Variants in SCD5 observed in about 807,000 individuals in gnomAD.
The protein encoded by SCD5 is acyl-CoA-desaturase 4.
SCD5 carries 20 observed loss-of-function variants against 30.4 expected under a neutral mutation model. That is an observed-to-expected ratio of 0.66 (90% CI 0.46 to 0.96). The LOEUF (loss-of-function observed/expected upper bound fraction) is 0.96. Ranked by LOEUF, SCD5 falls within the 40% of genes least tolerant of loss-of-function variation. The probability of loss-of-function intolerance (pLI) is 0.00; values close to 1 mark genes in which losing one functional copy is unlikely to be tolerated. For synonymous variants in SCD5, 173 were observed against 176.4 expected, an observed-to-expected ratio of 0.98 and a Z score of 0.16; for missense variants, 381 against 443.3, an observed-to-expected ratio of 0.86 and a Z score of 1.26.
chr4:82,753,318 G>A (rs550374171), intron 1 of SCD5: 2 of 527,396 alleles, frequency 3.8e-6, no homozygotes, highest in African/African-American at 1.9e-5. Flanking sequence ...GTGGGGGTGG[G>A]GGGTTCTGTG....
chr4:82,761,724 T>TC (rs1721374403), intron 1 of SCD5, among the ~76,000 whole-genome samples: 1 of 151,258 alleles, frequency 6.6e-6, no homozygotes, highest in Non-Finnish European at 1.5e-5. Context: ...ATGCTATCCC[T>TC]CCCCCCTCTC....
intron 3 of SCD5, among the ~76,000 whole-genome samples, chr4:82,646,947 C>A (rs567813428): frequency 7.9e-5 from 12 of 152,346 alleles, no homozygotes; most frequent in Non-Finnish European, 1.5e-4. Flanking sequence ...CTCAGCCTCC[C>A]CATTAGCTGG....
intron 3 of SCD5, among the ~76,000 whole-genome samples, chr4:82,672,373 C>T (rs917474265): frequency 6.6e-6 from 1 of 152,078 alleles, no homozygotes; most frequent in Non-Finnish European, 1.5e-5. Flanking sequence ...GACACCCCTA[C>T]AGATCCCATG....
intron 1 of SCD5, among the ~76,000 whole-genome samples, chr4:82,713,490 A>T (rs1235617935): frequency 4.6e-5 from 7 of 152,208 alleles, no homozygotes; most frequent in African/African-American, 1.7e-4. Context: ...TACATGGCTC[A>T]CTTCAGACAG....
At position 82,631,288 on chromosome 4, in the gene SCD5, A is replaced by G; in HGVS notation, c.*39T>C. 6.3e-7 allele frequency: 1 copy of G among 1,588,950 alleles called. No individual in the cohort carries two copies. The highest frequency in any genetic ancestry group is 1.1e-5 in the South Asian group (1 of 88,902). On this transcript the variant is annotated 3_prime_UTR_variant, in exon 5 of 5. Transcript: ENST00000319540. The stretch of plus-strand genomic sequence containing the variant: ...CTATTGTAACCAAAGCCATGAACCG[A>G]GGTTGCAACGGCAGACATGTGGGAT...
At chr4:82,688,836 TAAC>T (rs562241494) in intron 2 of SCD5, among the ~76,000 whole-genome samples, 22 of 152,262 alleles carry the variant, frequency 1.4e-4, no homozygotes, top group Admixed American at 6.5e-4. Context: ...TTAAATCTCT[TAAC>T]AACGAGAATG....
At position 82,647,351 on chromosome 4, in the gene SCD5, A is replaced by G. The variant is rs549305557; in HGVS notation, c.570-10528T>C. Among the ~76,000 whole-genome samples, 71 of 152,258 alleles carry G rather than the reference A, an allele frequency of 4.7e-4. 1 individual carries two copies. Among genetic ancestry groups the G allele is most frequent in the Admixed American group, 4.0e-3 (61 of 15,272 alleles). On this transcript the variant is annotated intron_variant, in intron 3 of 4. Coordinates refer to ENST00000319540, the MANE Select transcript of SCD5 (RefSeq NM_001037582.3). ...GCAAGTTTAACTCCAAAACTCTTTA[A>G]CAACTCAATAATAAGCTACACACCA...
intron 3 of SCD5, among the ~76,000 whole-genome samples, chr4:82,679,279 AG>A (rs1560531746): frequency 2.7e-4 from 34 of 126,446 alleles, no homozygotes; most frequent in Non-Finnish European, 5.1e-4. Context: ...AAAGAAAGAA[AG>A]AAGGAAGGAA....
chr4:82,639,862 C>T (rs1560521354), intron 3 of SCD5, among the ~76,000 whole-genome samples: 2 of 152,234 alleles, frequency 1.3e-5, no homozygotes, highest in African/African-American at 2.4e-5. Flanking sequence ...TCAAGAGAGC[C>T]TCTCCCAGTC....
chr4:82,699,637 C>G (rs1318653957), intron 2 of SCD5, among the ~76,000 whole-genome samples: 1 of 148,160 alleles, frequency 6.7e-6, no homozygotes, highest in Non-Finnish European at 1.5e-5. Flanking sequence ...CCCAATGTCT[C>G]ATGCCTGTAA....
intron 1 of SCD5, among the ~76,000 whole-genome samples, chr4:82,749,352 GA>G (rs1275872676): frequency 6.6e-6 from 1 of 152,164 alleles, no homozygotes; most frequent in Admixed American, 6.5e-5. Context: ...CCCTGGTAGG[GA>G]AAAAGCACCC....
intron 1 of SCD5, among the ~76,000 whole-genome samples, chr4:82,710,990 T>C (rs1720072250): frequency 6.6e-6 from 1 of 152,202 alleles, no homozygotes; most frequent in Admixed American, 6.5e-5. Flanking sequence ...ATAAATCACT[T>C]ATCACTGTGA....
At chr4:82,755,316 A>G (rs937003002) in intron 1 of SCD5, among the ~76,000 whole-genome samples, 5 of 152,156 alleles carry the variant, frequency 3.3e-5, no homozygotes, top group Admixed American at 2.6e-4. Context: ...CCTGGCCAAC[A>G]TGGCAAAACC....
intron 1 of SCD5, among the ~76,000 whole-genome samples, chr4:82,740,613 T>C (rs1720852134): frequency 6.6e-6 from 1 of 152,176 alleles, no homozygotes; most frequent in African/African-American, 2.4e-5. Context: ...TGGAACCCTA[T>C]TCTCTAAACC....
chr4:82,653,079 G>C lies in SCD5; in HGVS notation c.570-16256C>G, dbSNP rs58077882. Among the ~76,000 whole-genome samples, 415 of 152,298 alleles carry C rather than the reference G, an allele frequency of 2.7e-3. 12 individuals carry two copies. In the East Asian group the frequency reaches 0.057, roughly 21 times the overall value. On this transcript the variant is annotated intron_variant, in intron 3 of 4. Transcript: ENST00000319540. ...TGAGACAGGAGGATCGCCTGAGCCT[G>C]GGAGGTGGAGGCTCCAGTGATCCCT...
chr4:82,736,302 A>G (rs1405719427), intron 1 of SCD5, among the ~76,000 whole-genome samples: 2 of 151,432 alleles, frequency 1.3e-5, no homozygotes, highest in East Asian at 3.9e-4. Context: ...AAACAAAACA[A>G]AACAAAAAAA....
At chr4:82,635,346 A>G (rs6832564) in intron 4 of SCD5, among the ~76,000 whole-genome samples, 39,198 of 151,188 alleles carry the variant, frequency 0.26, 6,205 homozygotes, top group African/African-American at 0.43. Context: ...CGGGCCGGGC[A>G]CGGTGGCTCA....
chr4:82,727,163 A>G (rs573351765), intron 1 of SCD5, among the ~76,000 whole-genome samples: 43 of 152,316 alleles, frequency 2.8e-4, no homozygotes, highest in Admixed American at 2.0e-4. Flanking sequence ...CTCAGGTTCA[A>G]ATGAAACCCT....
intron 1 of SCD5, among the ~76,000 whole-genome samples, chr4:82,720,206 G>C (rs6535391): frequency 0.59 from 89,904 of 151,626 alleles, 28,517 homozygotes; most frequent in African/African-American, 0.83. Flanking sequence ...TAGGAGGGAG[G>C]ACTGTTTGTG....
Sources: allele counts gnomAD v4.1 joint callset (sites outside exome capture counted in the v4.1 genomes callset), GRCh38; gene constraint gnomAD v4.1.1; transcripts MANE v1.5; gene names NCBI Gene and HGNC (gene_info 2026-07-23, HGNC 2026-07-21).